The following CSMD1 variants were observed in gnomAD, a reference collection of about 807,000 sequenced individuals.
CSMD1 encodes CUB and Sushi multiple domains 1, also known as CUB and sushi domain-containing protein 1.
A neutral mutation model predicts 417.5 loss-of-function variants in CSMD1; 213 were observed. The observed-to-expected ratio is 0.51, with a 90% CI of 0.46 to 0.57. CSMD1 has a LOEUF of 0.57. Among genes scored for constraint, CSMD1 ranks in the 20% least tolerant of loss-of-function variants. CSMD1 has a pLI of 0.00. For missense variants in CSMD1, 6,923 were observed against 4,529.7 expected (o/e 1.53, Z -15.17); for synonymous variants, 2,862 against 1,736.8 (o/e 1.65, Z -16.11).
intron 3 of CSMD1, among the ~76,000 whole-genome samples, chr8:4,242,924 A>T (rs1229901989): frequency 6.6e-6 from 1 of 152,204 alleles, no homozygotes; most frequent in Admixed American, 6.5e-5. Flanking sequence ...TCTGACCCAG[A>T]AAAAAAGATC....
intron 12 of CSMD1, among the ~76,000 whole-genome samples, chr8:3,415,917 T>A (rs1813114928): frequency 6.6e-6 from 1 of 152,154 alleles, no homozygotes. Context: ...CAAAGAAGAT[T>A]TTGAGTTGCA....
chr8:4,128,985 A>T (rs1802928403), intron 3 of CSMD1, among the ~76,000 whole-genome samples: 1 of 147,870 alleles, frequency 6.8e-6, no homozygotes, highest in Non-Finnish European at 1.5e-5. Context: ...CTGAGGCAGG[A>T]GAGTTGCTTG....
At chr8:4,367,327 A>G (rs1442068044) in intron 3 of CSMD1, among the ~76,000 whole-genome samples, 1 of 152,030 alleles carries the variant, frequency 6.6e-6, no homozygotes, top group African/African-American at 2.4e-5. Flanking sequence ...TCCTTTCCCC[A>G]TTGTCTGATA....
At chr8:4,975,869 A>G (rs1441085990) in intron 1 of CSMD1, among the ~76,000 whole-genome samples, 1 of 152,210 alleles carries the variant, frequency 6.6e-6, no homozygotes, top group African/African-American at 2.4e-5. Flanking sequence ...TCAGCACTCT[A>G]AGATAAACCA....
chr8:3,030,676 G>T (rs1474969385), intron 50 of CSMD1, among the ~76,000 whole-genome samples: 1 of 151,860 alleles, frequency 6.6e-6, no homozygotes, highest in African/African-American at 2.4e-5. Flanking sequence ...GTAGAAATGG[G>T]GTTTCACCAC....
At chr8:4,459,618 C>T (rs574365183) in intron 2 of CSMD1, among the ~76,000 whole-genome samples, 2 of 152,302 alleles carry the variant, frequency 1.3e-5, no homozygotes, top group South Asian at 2.1e-4. Flanking sequence ...AAGAAGATCG[C>T]ATTGTGGGTT....
chr8:4,243,392 G>A (rs1306988398), intron 3 of CSMD1, among the ~76,000 whole-genome samples: 2 of 152,108 alleles, frequency 1.3e-5, no homozygotes, highest in Non-Finnish European at 2.9e-5. Context: ...GACTTGGAGA[G>A]AATGACTCAT....
At position 3,500,163 on chromosome 8, in the gene CSMD1, C is replaced by A. The variant is rs951922281; in HGVS notation, c.1345-6437G>T. ...ATCTTTATGCTGCCATCTTGAGTTTCCATGCCTTAGAGGGTCTTCTTTACT... is the reference window on the plus strand; with the variant it reads ...ATCTTTATGCTGCCATCTTGAGTTTACATGCCTTAGAGGGTCTTCTTTACT... On this transcript the variant is annotated intron_variant, in intron 10 of 69. Transcript: ENST00000635120. 4.6e-5 allele frequency among the ~76,000 whole-genome samples: 7 copies of A among 152,132 alleles called. No homozygotes were observed. The East Asian group carries it at 1.4e-3, about 29-fold the overall frequency.
rs188560315 is a variant in CSMD1, at chr8:4,420,112, G to C, written c.303-47C>G. Reference sequence around the variant, plus strand: ...CAAAGAGAGTTAAAAGCATGAATTTGTCAAAAAAAGCTTATTTGATGAAGT... The same window carrying C: ...CAAAGAGAGTTAAAAGCATGAATTTCTCAAAAAAAGCTTATTTGATGAAGT... On this transcript the variant is annotated intron_variant, in intron 2 of 69. Transcript: ENST00000635120. 6.0e-4 allele frequency: 793 copies of C among 1,323,608 alleles called. 6 individuals carry two copies. In the African/African-American group the frequency reaches 0.012, roughly 20 times the overall value. 82.0% of individuals were successfully genotyped at this position (1,323,608 alleles called of 1,614,324 possible).
intron 51 of CSMD1, among the ~76,000 whole-genome samples, chr8:3,020,646 G>C (rs1255882843): frequency 6.6e-6 from 1 of 152,118 alleles, no homozygotes; most frequent in East Asian, 1.9e-4. Flanking sequence ...AGAAGCCCCA[G>C]ACCTTTTAAT....
chr8:4,311,683 A>T (rs10105996), intron 3 of CSMD1, among the ~76,000 whole-genome samples: 1 of 149,570 alleles, frequency 6.7e-6, no homozygotes, highest in African/African-American at 2.5e-5. Flanking sequence ...AGATTGTGCC[A>T]CAGCACTCCA....
chr8:3,896,691 T>G (rs542623051), intron 5 of CSMD1, among the ~76,000 whole-genome samples: 1 of 152,076 alleles, frequency 6.6e-6, no homozygotes, highest in Non-Finnish European at 1.5e-5. Flanking sequence ...TTCTTATTTT[T>G]ATTGGAGACG....
At chr8:3,606,175 G>A (rs1443340413) in intron 8 of CSMD1, among the ~76,000 whole-genome samples, 1 of 152,182 alleles carries the variant, frequency 6.6e-6, no homozygotes, top group Admixed American at 6.6e-5. Flanking sequence ...CCGTGTGGGT[G>A]GGGGAGGACA....
chr8:4,726,411 G>C (rs1173858253), intron 1 of CSMD1, among the ~76,000 whole-genome samples: 1 of 151,946 alleles, frequency 6.6e-6, no homozygotes, highest in African/African-American at 2.4e-5. Flanking sequence ...CTACCCTTTA[G>C]TGTAGTTCAC....
At chr8:2,983,213 G>C (rs138761113) in intron 54 of CSMD1, among the ~76,000 whole-genome samples, 1,677 of 151,854 alleles carry the variant, frequency 0.011, 43 homozygotes, top group African/African-American at 0.038. Context: ...TTGAGATGGA[G>C]TCTTGCTCTG....
At chr8:4,040,276 AAC>A (rs1183410254) in intron 3 of CSMD1, among the ~76,000 whole-genome samples, 4 of 152,242 alleles carry the variant, frequency 2.6e-5, no homozygotes, top group Admixed American at 2.6e-4. Flanking sequence ...ATACTTGCAC[AAC>A]ACACACTATG....
At chr8:4,836,687 G>C (rs55759319) in intron 1 of CSMD1, among the ~76,000 whole-genome samples, 2 of 151,952 alleles carry the variant, frequency 1.3e-5, no homozygotes, top group Admixed American at 6.6e-5. Flanking sequence ...TATTCATCTC[G>C]TCGCTTCCAC....
intron 3 of CSMD1, among the ~76,000 whole-genome samples, chr8:4,122,803 A>T (rs1292627320): frequency 6.6e-6 from 1 of 152,204 alleles, no homozygotes; most frequent in Non-Finnish European, 1.5e-5. Flanking sequence ...CAAAAAAACA[A>T]ATGATTTAAT....
chr8:4,040,128 T>C (rs573259183), intron 3 of CSMD1, among the ~76,000 whole-genome samples: 72 of 152,276 alleles, frequency 4.7e-4, no homozygotes, highest in African/African-American at 1.6e-3. Context: ...AACAATATTT[T>C]TAAAGGGTAT....
Sources: allele counts gnomAD v4.1 joint callset (sites outside exome capture counted in the v4.1 genomes callset), GRCh38; gene constraint gnomAD v4.1.1; transcripts MANE v1.5; gene names NCBI Gene and HGNC (gene_info 2026-07-23, HGNC 2026-07-21).